Variants in TRPM3 observed in about 807,000 individuals in gnomAD.
The protein encoded by TRPM3 is transient receptor potential cation channel subfamily M member 3.
In TRPM3, 77 loss-of-function variants were observed where a neutral mutation model predicts 181.2. The ratio of observed to expected loss-of-function variants is 0.42; its 90% CI spans 0.35 to 0.51. The LOEUF (loss-of-function observed/expected upper bound fraction) is 0.51, where lower values mean the gene tolerates loss of function less well. Ranked by LOEUF, TRPM3 falls within the 20% of genes least tolerant of loss-of-function variation. TRPM3 has a pLI of 0.01. For missense variants in TRPM3, 1,759 were observed against 2,196.7 expected (o/e 0.80, Z 3.98); for synonymous variants, 745 against 796.4 (o/e 0.94, Z 1.09).
intron 1 of TRPM3, among the ~76,000 whole-genome samples, chr9:71,077,056 C>T (rs1286281792): frequency 2.0e-5 from 3 of 152,126 alleles, no homozygotes; most frequent in Non-Finnish European, 4.4e-5. Flanking sequence ...GTCTTTCTTC[C>T]CTTTCAACTC....
intron 1 of TRPM3, chr9:70,865,618 C>G (rs1246797100): frequency 6.6e-6 from 1 of 152,094 alleles, no homozygotes. Flanking sequence ...GCCAATGACT[C>G]AGATGTCTAT....
At chr9:70,804,403 T>C (rs2090137765) in intron 6 of TRPM3, among the ~76,000 whole-genome samples, 2 of 152,244 alleles carry the variant, frequency 1.3e-5, no homozygotes, top group South Asian at 4.1e-4. Flanking sequence ...AGTAGACTTA[T>C]AAACCACTGC....
At chr9:71,020,656 C>A (rs1313932232) in intron 1 of TRPM3, among the ~76,000 whole-genome samples, 3 of 152,040 alleles carry the variant, frequency 2.0e-5, no homozygotes, top group African/African-American at 7.2e-5. Flanking sequence ...CAGGAAAATG[C>A]AAATTAAACC....
chr9:70,810,506 T>C (rs2091827237), intron 6 of TRPM3, among the ~76,000 whole-genome samples: 2 of 152,140 alleles, frequency 1.3e-5, no homozygotes, highest in Admixed American at 6.5e-5. Flanking sequence ...TAATATTGTT[T>C]CTCCACCATC....
At position 70,537,303 on chromosome 9, in the gene TRPM3, G is replaced by A. The variant is rs578035531; in HGVS notation, c.3810C>T (p.Asp1270=). ...GGGCCGTGGCCATGCGCCCGATAAG[G>A]TCTTCCAGCTGCGCCAGCCGGATGT... is the stretch of plus-strand genomic sequence containing the variant. ...TVDIRLAQLE[D]LIGRMATALE... The change falls in exon 26 of 26, where the codon GAC becomes GAT. Residue 1270 remains aspartate, a synonymous_variant. Coordinates refer to ENST00000677713, the MANE Select transcript of TRPM3 (RefSeq NM_001366145.2). The A allele has an allele frequency of 2.6e-6, 4 of 1,539,976 alleles. No individual in the cohort carries two copies. Among genetic ancestry groups the A allele is most frequent in the African/African-American group, 2.8e-5 (2 of 72,382 alleles).
intron 1 of TRPM3, among the ~76,000 whole-genome samples, chr9:71,274,664 G>C (rs532415004): frequency 6.6e-6 from 1 of 152,302 alleles, no homozygotes; most frequent in South Asian, 2.1e-4. Context: ...GATGCTTTCT[G>C]CACTAAAATA....
chr9:70,550,944 G>A (rs988171566), intron 24 of TRPM3, among the ~76,000 whole-genome samples: 11 of 152,142 alleles, frequency 7.2e-5, no homozygotes, highest in Non-Finnish European at 1.0e-4. Context: ...CATTAGTCTC[G>A]AGGGAGGGGA....
At position 71,168,621 on chromosome 9, in the gene TRPM3, TTA is replaced by T. The variant is rs1491539521; in HGVS notation, c.183+278030_183+278031del. ...TTTATTTTTATTTATTTTTTTATTA[TTA>T]TTTTTTTATTATTTTTTATTTTTTT... On this transcript the variant is annotated intron_variant, in intron 1 of 24. Transcript: ENST00000357533. Among the ~76,000 whole-genome samples, 358 of 119,890 alleles carry T rather than the reference TTA, an allele frequency of 3.0e-3. 13 individuals carry two copies. In the East Asian group the frequency reaches 0.052, roughly 17 times the overall value. The allele number at this position is 119,890 out of a possible 152,430, so 78.7% of individuals were successfully genotyped here.
chr9:71,303,651 G>C (rs370971350), intron 1 of TRPM3, among the ~76,000 whole-genome samples: 2 of 152,186 alleles, frequency 1.3e-5, no homozygotes, highest in East Asian at 3.8e-4. Context: ...CTGTAAAACA[G>C]AGCTCAAGCT....
At chr9:71,208,087 C>T (rs1460939554) in intron 1 of TRPM3, among the ~76,000 whole-genome samples, 1 of 152,046 alleles carries the variant, frequency 6.6e-6, no homozygotes, top group Non-Finnish European at 1.5e-5. Context: ...CATCTCTAGC[C>T]CTGGAGGGGA....
intron 1 of TRPM3, among the ~76,000 whole-genome samples, chr9:71,295,714 T>C (rs931714152): frequency 3.3e-5 from 5 of 151,564 alleles, no homozygotes; most frequent in Non-Finnish European, 7.4e-5. Flanking sequence ...TAGCATGTAC[T>C]AGTAGTCCCA....
chr9:70,611,980 C>G (rs2062061379), intron 18 of TRPM3, among the ~76,000 whole-genome samples: 1 of 152,146 alleles, frequency 6.6e-6, no homozygotes, highest in Non-Finnish European at 1.5e-5. Flanking sequence ...TTGGTGGCAC[C>G]ATGGGAAAGG....
chr9:71,269,153 A>T (rs141947682), intron 1 of TRPM3, among the ~76,000 whole-genome samples: 2,889 of 152,336 alleles, frequency 0.019, 41 homozygotes, highest in Non-Finnish European at 0.026. Context: ...AATGTTTAGT[A>T]CAATCATTTC....
chr9:71,177,899 GT>G (rs1417503061), intron 1 of TRPM3, among the ~76,000 whole-genome samples: 1 of 132,178 alleles, frequency 7.6e-6, no homozygotes, highest in Non-Finnish European at 1.6e-5. Flanking sequence ...CTGTATTTTT[GT>G]TTTGTATTGA....
At chr9:71,012,768 T>C (rs898365252) in intron 1 of TRPM3, among the ~76,000 whole-genome samples, 1 of 152,060 alleles carries the variant, frequency 6.6e-6, no homozygotes, top group African/African-American at 2.4e-5. Context: ...CACTGAAATT[T>C]TTTATGGTTT....
At chr9:71,266,425 G>A (rs528912135) in intron 1 of TRPM3, among the ~76,000 whole-genome samples, 108 of 151,840 alleles carry the variant, frequency 7.1e-4, no homozygotes, top group Admixed American at 2.5e-3. Flanking sequence ...TTGTAACTCT[G>A]TTTCCATTAT....
At chr9:70,619,404 TTC>T (rs2063280353) in intron 16 of TRPM3, among the ~76,000 whole-genome samples, 1 of 104,214 alleles carries the variant, frequency 9.6e-6, no homozygotes, top group Non-Finnish European at 1.9e-5. Flanking sequence ...CATCGTCGTC[TTC>T]TTTTTTTTTT....
In TRPM3 at chr9:70,955,797, A is replaced by G. The variant is rs1407050171; in HGVS notation, c.178-91286T>C. 2.0e-5 allele frequency among the ~76,000 whole-genome samples: 3 copies of G among 152,188 alleles called. No individual in the cohort carries two copies. The East Asian group carries it at 5.8e-4, about 29-fold the overall frequency. On this transcript the variant is annotated intron_variant, in intron 1 of 25. Coordinates refer to ENST00000677713, the MANE Select transcript of TRPM3 (RefSeq NM_001366145.2). ...ATTATCTCTTTCCCTGTGGGATAGA[A>G]TCCAAGTCTTTGTCAATGTTTTGAA...
In TRPM3 at chr9:70,680,406, G is replaced by T. The variant is rs190792019; in HGVS notation, c.1345+1100C>A. ...AAGAAGAGTAGATACACTGGAAAAT[G>T]AATGAAATAGTTGGTATTCTGAGTT... On this transcript the variant is annotated intron_variant, in intron 9 of 25. Transcript: ENST00000677713. Among the ~76,000 whole-genome samples the T allele has an allele frequency of 1.8e-3, 269 of 152,302 alleles. 1 individual carries two copies. The highest frequency in any genetic ancestry group is 6.3e-3 in the African/African-American group (261 of 41,580).
Sources: allele counts gnomAD v4.1 joint callset (sites outside exome capture counted in the v4.1 genomes callset), GRCh38; gene constraint gnomAD v4.1.1; transcripts MANE v1.5; gene names NCBI Gene and HGNC (gene_info 2026-07-23, HGNC 2026-07-21).